The following FANK1 variants were observed in gnomAD, a reference collection of about 807,000 sequenced individuals.
FANK1 encodes the protein fibronectin type 3 and ankyrin repeat domains protein 1.
FANK1 carries 44 observed loss-of-function variants against 45.3 expected under a neutral mutation model. The ratio of observed to expected loss-of-function variants is 0.97; its 90% CI spans 0.76 to 1.25. The LOEUF (loss-of-function observed/expected upper bound fraction) is 1.25, where lower values mean the gene tolerates loss of function less well. Ranked by LOEUF, FANK1 falls within the 50% of genes most tolerant of loss-of-function variation. The pLI is 0.00. For missense variants in FANK1, 391 were observed against 424.4 expected (o/e 0.92, Z 0.69); for synonymous variants, 149 against 152.5 (o/e 0.98, Z 0.17).
chr10:125,902,165 G>A (rs1945093042), intron 1 of FANK1, among the ~76,000 whole-genome samples: 1 of 152,210 alleles, frequency 6.6e-6, no homozygotes, highest in Non-Finnish European at 1.5e-5. Flanking sequence ...AATGCTAAAT[G>A]ATGAGTTAAT....
At chr10:125,936,682 T>C (rs1948120714) in intron 1 of FANK1, among the ~76,000 whole-genome samples, 1 of 152,236 alleles carries the variant, frequency 6.6e-6, no homozygotes, top group Non-Finnish European at 1.5e-5. Context: ...TGAAGATCCT[T>C]CTTTCTCATT....
intron 1 of FANK1, among the ~76,000 whole-genome samples, chr10:125,906,639 A>C (rs1247401657): frequency 6.6e-6 from 1 of 152,020 alleles, no homozygotes; most frequent in African/African-American, 2.4e-5. Context: ...TCCTTACTGA[A>C]TATTATCTGT....
intron 5 of FANK1, 69 bp from the exon 6 acceptor site, chr10:125,997,351 A>C (rs1400436118): frequency 4.8e-6 from 6 of 1,260,232 alleles, no homozygotes; most frequent in Non-Finnish European, 6.8e-6. Flanking sequence ...ACTCATTTTT[A>C]CTGGACTATT....
chr10:125,954,727 C>G (rs11244717), intron 1 of FANK1, among the ~76,000 whole-genome samples: 58,599 of 151,882 alleles, frequency 0.39, 11,641 homozygotes, highest in Non-Finnish European at 0.44. Flanking sequence ...CGAGACCAGC[C>G]TGGCCAACAT....
chr10:125,991,390 GTCC>G (rs940400212), intron 3 of FANK1, among the ~76,000 whole-genome samples: 3 of 152,094 alleles, frequency 2.0e-5, no homozygotes, highest in African/African-American at 7.2e-5. Context: ...AGGATCAGGT[GTCC>G]TCCTCCTCCT....
intron 3 of FANK1, chr10:125,989,292 G>GC (rs1316839769): frequency 1.3e-6 from 2 of 1,550,334 alleles, no homozygotes; most frequent in Admixed American, 3.9e-5. Context: ...CCATCTCTGA[G>GC]CAAGAGCCTT....
rs904342107 is a variant in FANK1, at chr10:126,009,523, G to C, written c.*85G>C. On this transcript the variant is annotated 3_prime_UTR_variant, in exon 11 of 11. Transcript: ENST00000368693. ...TAGGGATGGGAAATTCTGCATCTTGGGGGGCTGTACATTTATTTATTTAGT... is the reference window on the plus strand; with the variant it reads ...TAGGGATGGGAAATTCTGCATCTTGCGGGGCTGTACATTTATTTATTTAGT... 9.2e-6 allele frequency: 13 copies of C among 1,409,080 alleles called. No individual in the cohort carries two copies. The highest frequency in any genetic ancestry group is 1.9e-5 in the Admixed American group (1 of 53,232). The allele number at this position is 1,409,080 out of a possible 1,614,324, so 87.3% of individuals were successfully genotyped here. A position where few individuals can be genotyped will look rare whatever the true frequency, so the allele number is the denominator to read the frequency against.
intron 6 of FANK1, among the ~76,000 whole-genome samples, chr10:125,999,003 C>G (rs988954626): frequency 6.6e-6 from 1 of 152,074 alleles, no homozygotes; most frequent in Non-Finnish European, 1.5e-5. Context: ...GAAAAAAAAG[C>G]TATTTGTATG....
intron 3 of FANK1, among the ~76,000 whole-genome samples, chr10:125,990,404 G>GA (rs1951848678): frequency 6.6e-6 from 1 of 152,206 alleles, no homozygotes; most frequent in South Asian, 2.1e-4. Context: ...TTTAAAAAAA[G>GA]AAGATCCTTG....
chr10:125,945,701 CT>C (rs1948743801), intron 1 of FANK1, among the ~76,000 whole-genome samples: 2 of 152,208 alleles, frequency 1.3e-5, no homozygotes, highest in South Asian at 4.1e-4. Flanking sequence ...CCCAGGCTTG[CT>C]TAGGTAAACA....
intron 1 of FANK1, among the ~76,000 whole-genome samples, chr10:125,911,872 T>C (rs1002727831): frequency 2.0e-5 from 3 of 152,202 alleles, no homozygotes; most frequent in African/African-American, 2.4e-5. Context: ...GTCCTTCCTG[T>C]TAACCTTATA....
Position 125,970,014 on chromosome 10 carries a change from A to G in FANK1, c.14-10147A>G, listed in dbSNP as rs575678958. On this transcript the variant is annotated intron_variant, in intron 1 of 10. Transcript: ENST00000368693. ...AGTACAGAACGAAATGGAGTCTCCT[A>G]TGTTTACTTCTTTCTACACAGACAC... Among the ~76,000 whole-genome samples the G allele has an allele frequency of 8.5e-5, 13 of 152,324 alleles. 1 individual carries two copies. The highest frequency in any genetic ancestry group is 2.9e-4 in the African/African-American group (12 of 41,564).
At chr10:125,952,211 C>T (rs538339652) in intron 1 of FANK1, among the ~76,000 whole-genome samples, 15 of 151,864 alleles carry the variant, frequency 9.9e-5, no homozygotes, top group South Asian at 6.2e-4. Flanking sequence ...AAAAAAAAAG[C>T]GTGGTGTGTT....
chr10:125,993,464 A>AT (rs1376906109), intron 3 of FANK1, among the ~76,000 whole-genome samples: 1 of 152,214 alleles, frequency 6.6e-6, no homozygotes, highest in Non-Finnish European at 1.5e-5. Flanking sequence ...TACTACTGAT[A>AT]TTTGGGGACT....
At chr10:126,001,473 C>A (rs1016515934) in intron 6 of FANK1, among the ~76,000 whole-genome samples, 6 of 152,290 alleles carry the variant, frequency 3.9e-5, no homozygotes, top group African/African-American at 1.4e-4. Flanking sequence ...GGGGACTCAG[C>A]AGCAGGCAAG....
At chr10:125,968,625 G>C (rs562769240) in intron 1 of FANK1, among the ~76,000 whole-genome samples, 6 of 152,004 alleles carry the variant, frequency 3.9e-5, no homozygotes, top group Non-Finnish European at 5.9e-5. Flanking sequence ...TCTCTCTGTA[G>C]CTTTTGAGAT....
chr10:125,908,275 T>C (rs1039488091), intron 1 of FANK1, among the ~76,000 whole-genome samples: 9 of 152,240 alleles, frequency 5.9e-5, no homozygotes, highest in Non-Finnish European at 1.3e-4. Flanking sequence ...GGATTACAGG[T>C]GTGAGCCACT....
At chr10:125,995,916 T>C (rs1590214337) in intron 4 of FANK1, among the ~76,000 whole-genome samples, 1 of 152,236 alleles carries the variant, frequency 6.6e-6, no homozygotes, top group East Asian at 1.9e-4. Flanking sequence ...ATGGTGAATA[T>C]AGCTGCTGCA....
intron 1 of FANK1, among the ~76,000 whole-genome samples, chr10:125,956,201 T>TTG (rs1949560820): frequency 3.5e-5 from 1 of 28,676 alleles, no homozygotes; most frequent in Non-Finnish European, 7.0e-5. Flanking sequence ...GATACATTTT[T>TTG]TGGGGGGGGG....
Sources: gnomAD v4.1 joint callset for allele counts (sites outside exome capture counted in the v4.1 genomes callset) on GRCh38, gnomAD v4.1.1 for gene constraint, MANE v1.5 for transcripts, NCBI Gene and HGNC (gene_info 2026-07-23, HGNC 2026-07-21) for gene names.